Variants in PSMC6 observed in about 807,000 individuals in gnomAD.
The protein encoded by PSMC6 is proteasome 26S subunit, ATPase 6.
PSMC6 carries 3 observed loss-of-function variants against 55.9 expected under a neutral mutation model. The observed-to-expected ratio is 0.05, with a 90% CI of 0.02 to 0.14. The LOEUF (loss-of-function observed/expected upper bound fraction) is 0.14. Among genes scored for constraint, PSMC6 ranks in the 10% least tolerant of loss-of-function variants. The pLI is 1.00. For missense variants in PSMC6, 210 were observed against 478.7 expected (o/e 0.44, Z 5.24); for synonymous variants, 137 against 155.9 (o/e 0.88, Z 0.90).
intron 4 of PSMC6, 53 bp downstream of exon 4, chr14:52,708,869 A>G: frequency 6.2e-7 from 1 of 1,600,240 alleles, no homozygotes; most frequent in Non-Finnish European, 8.5e-7. Flanking sequence ...AGTTTCATGT[A>G]AGTTATTGTC....
chr14:52,723,894 T>C, intron 12 of PSMC6, 71 bp from the exon 13 acceptor site: 2 of 1,581,268 alleles, frequency 1.3e-6, no homozygotes, highest in Non-Finnish European at 1.7e-6. Flanking sequence ...TCAGTTTAAA[T>C]TTTCGATGTG....
At chr14:52,708,575 C>T (rs756415438) in intron 3 of PSMC6, 53 bp downstream of exon 3, 1 of 1,574,046 alleles carries the variant, frequency 6.4e-7, no homozygotes, top group African/African-American at 1.4e-5. Context: ...ACCTCTCTCT[C>T]ACTTTTGAAA....
In PSMC6 at chr14:52,719,469, A is replaced by G. The variant is rs575688704; in HGVS notation, c.777+431A>G. ...CTGAGGCAACTAAAATAGTTTTGAT[A>G]ATTGAAGAGGATAGATGACAGAATG... On this transcript the variant is annotated intron_variant, in intron 10 of 13. Coordinates refer to ENST00000445930, the MANE Select transcript of PSMC6 (RefSeq NM_002806.5). 1.6e-4 allele frequency among the ~76,000 whole-genome samples: 25 copies of G among 152,330 alleles called. No homozygotes were observed. In the East Asian group the frequency reaches 4.0e-3, roughly 25 times the overall value.
In PSMC6 at chr14:52,711,180, A is replaced by T; in HGVS notation, c.326+12A>T. ...CTAACTATCATGAGGTGGGTTTCTTATTCTATTTAGTTCACCTTTTATTTT... is the reference window on the plus strand; with the variant it reads ...CTAACTATCATGAGGTGGGTTTCTTTTTCTATTTAGTTCACCTTTTATTTT... On this transcript the variant is annotated intron_variant, in intron 5 of 13. Transcript: ENST00000445930. 6.2e-7 allele frequency: 1 copy of T among 1,606,908 alleles called. No homozygotes were observed. Among genetic ancestry groups the T allele is most frequent in the African/African-American group, 1.3e-5 (1 of 74,834 alleles).
chr14:52,707,618 A>T, intron 1 of PSMC6: 1 of 290,158 alleles, frequency 3.4e-6, no homozygotes, highest in South Asian at 3.6e-5. Flanking sequence ...GTCTTGGTGG[A>T]GTCCCGGGAC....
intron 13 of PSMC6, 50 bp downstream of exon 13, chr14:52,724,086 GCTGAAA>G: frequency 6.5e-7 from 1 of 1,541,240 alleles, no homozygotes; most frequent in Non-Finnish European, 8.9e-7. Context: ...TTTAAAATTT[GCTGAAA>G]CTGTTTTGAG....
At chr14:52,708,571 C>G (rs753068673) in intron 3 of PSMC6, 49 bp downstream of exon 3, 12 of 1,578,150 alleles carry the variant, frequency 7.6e-6, no homozygotes, top group Middle Eastern at 1.9e-4. Context: ...GTCCACCTCT[C>G]TCTCACTTTT....
intron 10 of PSMC6, among the ~76,000 whole-genome samples, chr14:52,720,187 A>G (rs2139851458): frequency 7.2e-6 from 1 of 138,968 alleles, no homozygotes; most frequent in East Asian, 2.1e-4. Flanking sequence ...GCCCCATTGC[A>G]CTCCAGCCTG....
chr14:52,713,956 T>C lies in PSMC6; in HGVS notation c.517T>C (p.Tyr173His), dbSNP rs1162198807. 1 of 1,577,596 alleles carries C rather than the reference T, an allele frequency of 6.3e-7. No individual in the cohort carries two copies. Among genetic ancestry groups the C allele is most frequent in the Non-Finnish European group, 8.7e-7 (1 of 1,150,934 alleles). ...GIIPPKGCLL[Y>H]GPPGTGKTLL... ...AATACCTCCAAAAGGCTGTTTGTTA[T>C]ATGGACCACCAGGTTGGTATTGAAT... Residue 173 changes from tyrosine (Y) to histidine (H), a missense_variant, in exon 7 of 14, where the codon TAT becomes CAT. This residue lies in a region of PSMC6 where 101 missense variants were observed against 250.4 expected (regional missense o/e 0.40). Transcript: ENST00000445930.
In PSMC6 at chr14:52,708,529, G is replaced by A. The variant is rs377325167; in HGVS notation, c.205+7G>A. On this transcript the variant is annotated splice_region_variant and intron_variant, in intron 3 of 13. Coordinates refer to ENST00000445930, the MANE Select transcript of PSMC6 (RefSeq NM_002806.5). ...CAGTTAACTGAAGAAAAATGTGAGT[G>A]ATGAATTAGCTTATTAATTAGTAAA... The A allele has an allele frequency of 4.2e-5, 68 of 1,611,114 alleles. No homozygotes were observed. The highest frequency in any genetic ancestry group is 6.7e-5 in the Admixed American group (4 of 59,970).
rs1465894112 is a variant in PSMC6 at position 52,720,858 on chromosome 14, T to C, written c.778-3T>C. The C allele has an allele frequency of 9.5e-6, 15 of 1,582,792 alleles. No homozygotes were observed. The highest frequency in any genetic ancestry group is 1.1e-5 in the South Asian group (1 of 87,194). Reference sequence around the variant, plus strand: ...TGTAAAATCTGATTCTTAATATTCTTAGTTACTGAATCAAATGGATGGATT... The same window carrying C: ...TGTAAAATCTGATTCTTAATATTCTCAGTTACTGAATCAAATGGATGGATT... On this transcript the variant is annotated splice_region_variant and splice_polypyrimidine_tract_variant and intron_variant, in intron 10 of 13. Coordinates refer to ENST00000445930, the MANE Select transcript of PSMC6 (RefSeq NM_002806.5).
chr14:52,727,402 G>A, intron 13 of PSMC6, 97 bp from the exon 14 acceptor site: 1 of 802,034 alleles, frequency 1.2e-6, no homozygotes. Flanking sequence ...ATAAATCTAA[G>A]CTTCACATTT....
intron 7 of PSMC6, among the ~76,000 whole-genome samples, chr14:52,717,658 G>A (rs1207445037): frequency 6.6e-6 from 1 of 151,670 alleles, no homozygotes; most frequent in Non-Finnish European, 1.5e-5. Context: ...TTCTATTTAG[G>A]ATTTAGCTTT....
intron 12 of PSMC6, chr14:52,722,525 C>G (rs1439675428): frequency 6.6e-6 from 1 of 152,088 alleles, no homozygotes; most frequent in Non-Finnish European, 1.5e-5. Context: ...CTTATGATGA[C>G]AGGTTCTTAG....
chr14:52,707,937 A>C (rs763343425), intron 1 of PSMC6, among the ~76,000 whole-genome samples: 2 of 152,220 alleles, frequency 1.3e-5, no homozygotes, highest in Non-Finnish European at 1.5e-5. Flanking sequence ...TATTTAGGGT[A>C]GAATGTCAGA....
Position 52,708,323 on chromosome 14 carries a change from A to T in PSMC6, c.100A>T (p.Lys34Ter). 1 of 1,610,722 alleles carries T rather than the reference A, an allele frequency of 6.2e-7. No individual in the cohort carries two copies. Among genetic ancestry groups the T allele is most frequent in the Non-Finnish European group, 8.5e-7 (1 of 1,176,934 alleles). ...TATTATTTCAGTAAGGGAACAATTA[A>T]AAGAACTTACCAAGCAGTATGAAAA... ...GRLKELREQL[K>*]ELTKQYEKSE... The change falls in exon 2 of 14, where the codon AAA (lysine) becomes TAA (stop). Residue 34 changes from lysine to a stop codon, truncating the protein, a stop_gained. Coordinates refer to ENST00000445930, the MANE Select transcript of PSMC6 (RefSeq NM_002806.5). LOFTEE classifies it high-confidence loss of function.
intron 7 of PSMC6, among the ~76,000 whole-genome samples, chr14:52,717,842 A>AC (rs969069320): frequency 2.6e-5 from 4 of 151,886 alleles, no homozygotes; most frequent in South Asian, 4.2e-4. Context: ...ACACAGAGAG[A>AC]CCCCGTCTCT....
chr14:52,708,245 C>G, intron 1 of PSMC6, 64 bp from the exon 2 acceptor site: 6 of 1,352,360 alleles, frequency 4.4e-6, no homozygotes, highest in Middle Eastern at 4.5e-4. Context: ...TAAAGTGAGA[C>G]GTAGCGACTT....
chr14:52,719,080 A>T, intron 10 of PSMC6, 42 bp downstream of exon 10: 1 of 1,482,292 alleles, frequency 6.7e-7, no homozygotes, highest in African/African-American at 1.4e-5. Context: ...ACCAATGTTT[A>T]TTAAATGAAG....
Sources: allele counts gnomAD v4.1 joint callset (sites outside exome capture counted in the v4.1 genomes callset), GRCh38; gene constraint gnomAD v4.1.1; regional missense constraint gnomAD v4.1.1; transcripts MANE v1.5; gene names NCBI Gene and HGNC (gene_info 2026-07-23, HGNC 2026-07-21).